Variants in DLC1 observed in about 807,000 individuals in gnomAD.
The protein encoded by DLC1 is rho GTPase-activating protein 7.
DLC1 carries 54 observed loss-of-function variants against 140.3 expected under a neutral mutation model. That is an observed-to-expected ratio of 0.38 (90% CI 0.31 to 0.48). The LOEUF is 0.48. DLC1 is among the 20% of genes least tolerant of loss of function. DLC1 has a pLI of 0.96. For synonymous variants in DLC1, 986 were observed against 728.1 expected, an observed-to-expected ratio of 1.35 and a Z score of -5.70; for missense variants, 2,536 against 1,907.0, an observed-to-expected ratio of 1.33 and a Z score of -6.14.
chr8:13,517,827 G>T (rs1164488487), upstream of DLC1, among the ~76,000 whole-genome samples: 1 of 152,178 alleles, frequency 6.6e-6, no homozygotes, highest in African/African-American at 2.4e-5. Flanking sequence ...CCGGGGTGAG[G>T]ATGTCTTAGC....
intron 2 of DLC1, among the ~76,000 whole-genome samples, chr8:13,437,878 G>C (rs567802800): frequency 6.6e-6 from 1 of 152,174 alleles, no homozygotes; most frequent in South Asian, 2.1e-4. Flanking sequence ...CAGCTTCTAA[G>C]CAGAGTTGTG....
intron 14 of DLC1, among the ~76,000 whole-genome samples, chr8:13,090,816 T>TTG (rs1817997957): frequency 6.6e-6 from 1 of 151,160 alleles, no homozygotes; most frequent in South Asian, 2.1e-4. Context: ...TTTCTTTTTT[T>TTG]TTTTTTTGAG....
intron 5 of DLC1, among the ~76,000 whole-genome samples, chr8:13,226,570 T>C (rs1828803216): frequency 6.6e-6 from 1 of 152,214 alleles, no homozygotes; most frequent in Non-Finnish European, 1.5e-5. Context: ...AGCAGGTCAC[T>C]AGTCTGTCCT....
At chr8:13,486,877 A>G (rs1057399112) in intron 2 of DLC1, among the ~76,000 whole-genome samples, 1 of 152,226 alleles carries the variant, frequency 6.6e-6, no homozygotes, top group Non-Finnish European at 1.5e-5. Flanking sequence ...TCCCAACTAC[A>G]CAACAGCAAA....
At chr8:13,288,022 A>C (rs1182731228) in intron 5 of DLC1, among the ~76,000 whole-genome samples, 1 of 152,096 alleles carries the variant, frequency 6.6e-6, no homozygotes, top group Non-Finnish European at 1.5e-5. Context: ...GTCACTTGTT[A>C]TGTATTATCA....
intron 2 of DLC1, 48 bp downstream of exon 2, chr8:13,499,001 G>T: frequency 6.6e-7 from 1 of 1,525,690 alleles, no homozygotes; most frequent in South Asian, 1.3e-5. Context: ...TAAATCCAAG[G>T]ATATTTACAA....
At chr8:13,196,963 T>C (rs1370761973) in intron 5 of DLC1, among the ~76,000 whole-genome samples, 1 of 152,236 alleles carries the variant, frequency 6.6e-6, no homozygotes, top group African/African-American at 2.4e-5. Flanking sequence ...TCTTTCTTGA[T>C]GTCTTCTTGA....
chr8:13,297,292 A>AAAAAAAAAAAAAAAAAAAAAAAAAAAAC (rs1563233241), intron 5 of DLC1, among the ~76,000 whole-genome samples: 1 of 144,454 alleles, frequency 6.9e-6, no homozygotes, highest in African/African-American at 2.6e-5. Flanking sequence ...TAAAAAAAAA[A>AAAAAAAAAAAAAAAAAAAAAAAAAAAAC]AAAACTGAAG....
At chr8:13,293,477 G>T (rs894264264) in intron 5 of DLC1, among the ~76,000 whole-genome samples, 1 of 152,128 alleles carries the variant, frequency 6.6e-6, no homozygotes, top group Non-Finnish European at 1.5e-5. Context: ...CCTGGACATG[G>T]ATAGACCTGA....
Position 13,403,135 on chromosome 8 carries a change from A to G in DLC1, c.1024-1516T>C, listed in dbSNP as rs549993911. Among the ~76,000 whole-genome samples the G allele has an allele frequency of 1.2e-4, 18 of 152,346 alleles. No individual in the cohort carries two copies. In the South Asian group the frequency reaches 3.7e-3, roughly 32 times the overall value. Reference sequence around the variant, plus strand: ...CGTTAAGAATTTTTTGAGGTATGCTAATTCCTTCAGAATACTATGCTGTTG... The same window carrying G: ...CGTTAAGAATTTTTTGAGGTATGCTGATTCCTTCAGAATACTATGCTGTTG... On this transcript the variant is annotated intron_variant, in intron 2 of 17. Transcript: ENST00000276297.
At chr8:13,245,388 C>T (rs1358637587) in intron 5 of DLC1, among the ~76,000 whole-genome samples, 1 of 152,234 alleles carries the variant, frequency 6.6e-6, no homozygotes, top group East Asian at 1.9e-4. Context: ...CAATTCTGAC[C>T]CACAGAAGCT....
At chr8:13,221,720 G>GTA (rs1458235636) in intron 5 of DLC1, among the ~76,000 whole-genome samples, 1 of 106,592 alleles carries the variant, frequency 9.4e-6, no homozygotes, top group African/African-American at 4.0e-5. Flanking sequence ...ATATGTGTGT[G>GTA]TGTGTGTATA....
At chr8:13,580,865 C>G (rs570399209) in intron 1 of DLC1, among the ~76,000 whole-genome samples, 4 of 152,232 alleles carry the variant, frequency 2.6e-5, no homozygotes, top group Non-Finnish European at 4.4e-5. Flanking sequence ...CTAAAAATGG[C>G]AAGAGAATGG....
In DLC1 at chr8:13,486,551, G is replaced by A. The variant is rs552225387; in HGVS notation, c.1023+12498C>T. ...GGCAGCAACTTCACACTGGTACCAC[G>A]ACATACCACTATTAACATTCTAAGT... On this transcript the variant is annotated intron_variant, in intron 2 of 17. Coordinates refer to ENST00000276297, the MANE Select transcript of DLC1 (RefSeq NM_182643.3). 7.2e-5 allele frequency among the ~76,000 whole-genome samples: 11 copies of A among 152,032 alleles called. No individual in the cohort carries two copies. The South Asian group carries it at 1.9e-3, about 26-fold the overall frequency.
chr8:13,524,588 T>C (rs1281663878), intron 1 of DLC1, among the ~76,000 whole-genome samples: 1 of 152,220 alleles, frequency 6.6e-6, no homozygotes, highest in Non-Finnish European at 1.5e-5. Flanking sequence ...TACCAGCTCC[T>C]GTATTTCTCT....
At chr8:13,556,145 A>G (rs1254901918) in intron 1 of DLC1, among the ~76,000 whole-genome samples, 1 of 152,154 alleles carries the variant, frequency 6.6e-6, no homozygotes, top group African/African-American at 2.4e-5. Flanking sequence ...ATGAGGATTG[A>G]TTATCAGAAT....
chr8:13,144,012 G>A (rs887903197), intron 5 of DLC1, among the ~76,000 whole-genome samples: 1 of 152,104 alleles, frequency 6.6e-6, no homozygotes, highest in African/African-American at 2.4e-5. Flanking sequence ...ATTTTTGGTG[G>A]CAACTTGACT....
intron 5 of DLC1, among the ~76,000 whole-genome samples, chr8:13,284,654 G>C (rs1293658799): frequency 6.7e-6 from 1 of 148,228 alleles, no homozygotes; most frequent in Non-Finnish European, 1.5e-5. Context: ...TTAATCTCTA[G>C]TCAGATCAAC....
chr8:13,213,271 T>A (rs145671162), intron 5 of DLC1, among the ~76,000 whole-genome samples: 3 of 152,214 alleles, frequency 2.0e-5, no homozygotes, highest in African/African-American at 7.2e-5. Context: ...GGGCCCACTG[T>A]ATAGAGGTGC....
Sources: gnomAD v4.1 joint callset for allele counts (sites outside exome capture counted in the v4.1 genomes callset) on GRCh38, gnomAD v4.1.1 for gene constraint, MANE v1.5 for transcripts, NCBI Gene and HGNC (gene_info 2026-07-23, HGNC 2026-07-21) for gene names.